SPCS2: variants seen among roughly 807,000 people sequenced by gnomAD.
SPCS2 encodes the protein signal peptidase complex subunit 2.
Under a neutral mutation model 22.3 loss-of-function variants are expected in SPCS2, and 3 were observed. The ratio of observed to expected loss-of-function variants is 0.13; its 90% confidence interval spans 0.06 to 0.35. The LOEUF (loss-of-function observed/expected upper bound fraction) is 0.35. Among genes scored for constraint, SPCS2 ranks in the 10% least tolerant of loss-of-function variants. The pLI is 1.00. For missense variants in SPCS2, 169 were observed against 280.9 expected, an observed-to-expected ratio of 0.60 and a Z score of 2.85; for synonymous variants, 67 against 97.2, an observed-to-expected ratio of 0.69 and a Z score of 1.83.
intron 1 of SPCS2, among the ~76,000 whole-genome samples, chr11:74,951,810 CAAAAAA>C (rs61038317): frequency 0.016 from 1,301 of 81,398 alleles, 35 homozygotes; most frequent in African/African-American, 0.055. Context: ...AACTCTGTCT[CAAAAAA>C]AAAAAAAAAA....
At chr11:74,965,733 A>G (rs745538503) in intron 2 of SPCS2, 30 bp from the exon 3 acceptor site, 3 of 1,581,180 alleles carry the variant, frequency 1.9e-6, no homozygotes, top group East Asian at 2.2e-5. Flanking sequence ...AAGTATTCCT[A>G]TTAGCTTGAT....
rs574417557 is a variant in SPCS2, at chr11:74,949,622, T to A, written c.114+223T>A. Reference sequence around the variant, plus strand: ...GAACTTCTTCTTTTCTCGCAAGTGTTCTGGTCCTGGTCGCCACACCTTTTT... The same window carrying A: ...GAACTTCTTCTTTTCTCGCAAGTGTACTGGTCCTGGTCGCCACACCTTTTT... On this transcript the variant is annotated intron_variant, in intron 1 of 4. Coordinates refer to ENST00000263672, the MANE Select transcript of SPCS2 (RefSeq NM_014752.3). 1.8e-5 allele frequency: 11 copies of A among 601,530 alleles called. No individual in the cohort carries two copies. In the East Asian group the frequency reaches 3.9e-4, roughly 22 times the overall value. 37.3% of individuals were successfully genotyped at this position (601,530 alleles called of 1,614,324 possible). A position where few individuals can be genotyped will look rare whatever the true frequency, so the allele number is the denominator to read the frequency against.
At chr11:74,954,324 A>G (rs1948464144) in intron 1 of SPCS2, among the ~76,000 whole-genome samples, 1 of 152,248 alleles carries the variant, frequency 6.6e-6, no homozygotes, top group South Asian at 2.1e-4. Flanking sequence ...TAACACTTAC[A>G]GAACCTGGCT....
chr11:74,953,365 G>C (rs1948457632), intron 1 of SPCS2, among the ~76,000 whole-genome samples: 1 of 151,984 alleles, frequency 6.6e-6, no homozygotes, highest in Non-Finnish European at 1.5e-5. Context: ...GCTAATTTTT[G>C]TATATTTAGT....
intron 1 of SPCS2, among the ~76,000 whole-genome samples, chr11:74,957,686 C>A (rs1400820766): frequency 6.6e-6 from 1 of 152,194 alleles, no homozygotes; most frequent in African/African-American, 2.4e-5. Flanking sequence ...GCCCTTGCCC[C>A]TCTATGTCTA....
intron 1 of SPCS2, among the ~76,000 whole-genome samples, chr11:74,959,163 C>T (rs1948496095): frequency 6.6e-6 from 1 of 152,134 alleles, no homozygotes; most frequent in Non-Finnish European, 1.5e-5. Context: ...ACAGGGTCAC[C>T]ATTGACACCA....
At chr11:74,957,036 G>C (rs688665) in intron 1 of SPCS2, among the ~76,000 whole-genome samples, 68,305 of 151,580 alleles carry the variant, frequency 0.45, 15,800 homozygotes, top group Middle Eastern at 0.53. Flanking sequence ...ATCTTTTTTA[G>C]AGCCTGGAAT....
At chr11:74,968,854 GTC>G (rs776865056) in intron 3 of SPCS2, among the ~76,000 whole-genome samples, 7 of 151,812 alleles carry the variant, frequency 4.6e-5, no homozygotes, top group Non-Finnish European at 8.8e-5. Context: ...TAGAAATGGG[GTC>G]TCCCATTGTT....
chr11:74,956,444 A>G (rs1453812030), intron 1 of SPCS2, among the ~76,000 whole-genome samples: 3 of 151,958 alleles, frequency 2.0e-5, no homozygotes, highest in Non-Finnish European at 4.4e-5. Context: ...TCAGGTAGAT[A>G]CCTCCATTCA....
chr11:74,964,412 G>A (rs911696361), intron 1 of SPCS2, among the ~76,000 whole-genome samples: 1 of 152,188 alleles, frequency 6.6e-6, no homozygotes, highest in African/African-American at 2.4e-5. Flanking sequence ...CTGAGTCTGG[G>A]ACTTGGTTTG....
chr11:74,962,600 A>C (rs1355664029), intron 1 of SPCS2, among the ~76,000 whole-genome samples: 1 of 152,134 alleles, frequency 6.6e-6, no homozygotes, highest in Non-Finnish European at 1.5e-5. Context: ...AGTAGAGAGA[A>C]CATGAGGAGC....
Position 74,978,968 on chromosome 11 carries a change from T to G in SPCS2, c.*1925T>G, listed in dbSNP as rs1036269399. On this transcript the variant is annotated 3_prime_UTR_variant, in exon 5 of 5. Transcript: ENST00000263672. Reference sequence around the variant, plus strand: ...TGTAATTTGTGTTTTAAACTTAATATATCTTAGGCATTTTCCCTGTGTGTG... The same window carrying G: ...TGTAATTTGTGTTTTAAACTTAATAGATCTTAGGCATTTTCCCTGTGTGTG... 1.3e-5 allele frequency: 2 copies of G among 152,342 alleles called. No individual in the cohort carries two copies. Among genetic ancestry groups the G allele is most frequent in the Admixed American group, 1.3e-4 (2 of 15,306 alleles). 9.4% of individuals were successfully genotyped at this position (152,342 alleles called of 1,614,324 possible). A position where few individuals can be genotyped will look rare whatever the true frequency, so the allele number is the denominator to read the frequency against.
intron 4 of SPCS2, 47 bp downstream of exon 4, chr11:74,969,746 CTGGCATGT>C (rs1454069623): frequency 6.2e-7 from 1 of 1,610,102 alleles, no homozygotes; most frequent in Middle Eastern, 1.7e-4. Flanking sequence ...TGGATTTGCC[CTGGCATGT>C]TGTCATTATC....
At chr11:74,952,992 A>G (rs1297553513) in intron 1 of SPCS2, among the ~76,000 whole-genome samples, 2 of 152,196 alleles carry the variant, frequency 1.3e-5, no homozygotes, top group Non-Finnish European at 2.9e-5. Context: ...AGTGATCAAC[A>G]CAAGATAAGT....
intron 4 of SPCS2, among the ~76,000 whole-genome samples, chr11:74,975,536 G>A (rs1347614536): frequency 6.6e-6 from 1 of 152,190 alleles, no homozygotes; most frequent in African/African-American, 2.4e-5. Context: ...CAACTCATCA[G>A]ATCATGGACT....
chr11:74,975,548 C>T (rs1001554621), intron 4 of SPCS2, among the ~76,000 whole-genome samples: 5 of 152,158 alleles, frequency 3.3e-5, no homozygotes, highest in African/African-American at 1.2e-4. Flanking sequence ...TCATGGACTG[C>T]CACCAAAGCC....
At chr11:74,972,889 TATA>T (rs1264090882) in intron 4 of SPCS2, among the ~76,000 whole-genome samples, 1 of 78,076 alleles carries the variant, frequency 1.3e-5, no homozygotes. Flanking sequence ...TATATATATA[TATA>T]TATTTTTTTT....
At chr11:74,961,844 T>C (rs1379425360) in intron 1 of SPCS2, among the ~76,000 whole-genome samples, 1 of 152,198 alleles carries the variant, frequency 6.6e-6, no homozygotes, top group Admixed American at 6.6e-5. Flanking sequence ...AATCAGCTTG[T>C]GATTTGAAGT....
chr11:74,950,413 T>C (rs987303007), intron 1 of SPCS2, among the ~76,000 whole-genome samples: 6 of 152,210 alleles, frequency 3.9e-5, no homozygotes, highest in African/African-American at 9.6e-5. Context: ...TTGAATATAA[T>C]TGAAAACAGC....
Sources: allele counts gnomAD v4.1 joint callset (sites outside exome capture counted in the v4.1 genomes callset), GRCh38; gene constraint gnomAD v4.1.1; transcripts MANE v1.5; gene names NCBI Gene and HGNC (gene_info 2026-07-23, HGNC 2026-07-21).